S1PR1: variants seen among roughly 807,000 people sequenced by gnomAD.
S1PR1 encodes the protein sphingosine 1-phosphate receptor 1.
Under a neutral mutation model 18.3 loss-of-function variants are expected in S1PR1, and 2 were observed. The ratio of observed to expected loss-of-function variants is 0.11; its 90% CI spans 0.04 to 0.34. The LOEUF (loss-of-function observed/expected upper bound fraction) is 0.34. Ranked by LOEUF, S1PR1 falls within the 10% of genes least tolerant of loss-of-function variation. The pLI is 1.00. For synonymous variants in S1PR1, 222 were observed against 211.2 expected (o/e 1.05, Z -0.44); for missense variants, 335 against 493.8 (o/e 0.68, Z 3.05).
In S1PR1 at chr1:101,241,413, T is replaced by C. The variant is rs1333663974; in HGVS notation, c.*1280T>C. 1 of 165,790 alleles carries C rather than the reference T, an allele frequency of 6.0e-6. No individual in the cohort carries two copies. The highest frequency in any genetic ancestry group is 1.5e-5 in the Non-Finnish European group (1 of 68,110). 10.3% of individuals were successfully genotyped at this position (165,790 alleles called of 1,614,324 possible). On this transcript the variant is annotated 3_prime_UTR_variant, in exon 2 of 2. Coordinates refer to ENST00000305352, the MANE Select transcript of S1PR1 (RefSeq NM_001400.5). The stretch of plus-strand genomic sequence containing the variant: ...AGTGCAATTAAACCGAGAGATGTCT[T>C]GTTTTTTTAAAAAGAATAGTATTTA...
At position 101,239,718 on chromosome 1, in the gene S1PR1, G is replaced by A. The variant is rs151135641; in HGVS notation, c.734G>A (p.Ser245Asn). The A allele has an allele frequency of 3.9e-5, 63 of 1,613,852 alleles. No homozygotes were observed. The highest frequency in any genetic ancestry group is 5.3e-5 in the Non-Finnish European group (63 of 1,180,040). ...TTCCGCAAGAACATTTCCAAGGCCA[G>A]CCGCAGCTCTGAGAAGTCGCTGGCG... ...LTFRKNISKA[S>N]RSSEKSLALL... The change falls in exon 2 of 2, where the codon AGC becomes AAC. Residue 245 changes from serine (S) to asparagine (N), a missense_variant. Around this residue, in one of 3 missense-constraint regions of S1PR1, gnomAD observed 214 missense variants for 366.6 expected, o/e 0.58. Coordinates refer to ENST00000305352, the MANE Select transcript of S1PR1 (RefSeq NM_001400.5). This position sits in a 1 kb window ranked among gnomAD's most constrained non-coding sequence, Gnocchi z 6.3.
At chr1:101,241,987 T>C (rs1002036833), downstream of S1PR1, among the ~76,000 whole-genome samples, 1 of 149,694 alleles carries the variant, frequency 6.7e-6, no homozygotes, top group Non-Finnish European at 1.5e-5. Context: ...GGGATATGGA[T>C]ATGGGTATTA....
chr1:101,239,775 T>C lies in S1PR1; in HGVS notation c.791T>C (p.Val264Ala), dbSNP rs1324474813. ...AAGACCGTAATTATCGTCCTGAGCG[T>C]CTTCATCGCCTGCTGGGCACCGCTC... ...LLKTVIIVLS[V>A]FIACWAPLFI... The change falls in exon 2 of 2, where the codon GTC becomes GCC. Residue 264 changes from valine to alanine, a missense_variant. Physicochemically the swap from Val to Ala is moderately conservative, Grantham distance 64. Around this residue, in one of 3 missense-constraint regions of S1PR1, gnomAD observed 214 missense variants for 366.6 expected, o/e 0.58. Coordinates refer to ENST00000305352, the MANE Select transcript of S1PR1 (RefSeq NM_001400.5). This position sits in a 1 kb window ranked among gnomAD's most constrained non-coding sequence, Gnocchi z 6.3. The C allele has an allele frequency of 1.9e-6, 3 of 1,613,804 alleles. No individual in the cohort carries two copies. The highest frequency in any genetic ancestry group is 1.7e-5 in the Admixed American group (1 of 60,022).
Position 101,238,973 on chromosome 1 carries a change from A to G in S1PR1, c.-12A>G. 6.2e-7 allele frequency: 1 copy of G among 1,602,138 alleles called. No homozygotes were observed. The highest frequency in any genetic ancestry group is 8.5e-7 in the Non-Finnish European group (1 of 1,173,922). ...CGCCACCCCGGCTTCCTGGGGACAC[A>G]GGGTTGGCACCATGGGGCCCACCAG... On this transcript the variant is annotated 5_prime_UTR_variant, in exon 2 of 2. Transcript: ENST00000305352.
downstream of S1PR1, among the ~76,000 whole-genome samples, chr1:101,242,197 A>G (rs1652933310): frequency 6.6e-6 from 1 of 152,196 alleles, no homozygotes; most frequent in Admixed American, 6.5e-5. Context: ...AATTTTTCCA[A>G]CTACAAAATG....
chr1:101,240,433 G>T lies in S1PR1; in HGVS notation c.*300G>T. 7 of 413,664 alleles carry T rather than the reference G, an allele frequency of 1.7e-5. 1 individual carries two copies. The South Asian group carries it at 2.4e-4, about 14-fold the overall frequency. The allele number at this position is 413,664 out of a possible 1,614,324, so 25.6% of individuals were successfully genotyped here. A position where few individuals can be genotyped will look rare whatever the true frequency, so the allele number is the denominator to read the frequency against. ...GTCTAGCATTGTCAAGCTCCTAAAG[G>T]GTTCATTTGGCCCCTCCTCAAAGAC... On this transcript the variant is annotated 3_prime_UTR_variant, in exon 2 of 2. Transcript: ENST00000305352.
chr1:101,239,156 T>C lies in S1PR1; in HGVS notation c.172T>C (p.Phe58Leu). Residue 58 changes from phenylalanine (F) to leucine (L), a missense_variant, in exon 2 of 2, where the codon TTT (phenylalanine) becomes CTT (leucine). Phe to Leu is a conservative substitution (Grantham distance 22). This residue lies in a region of S1PR1 where 214 missense variants were observed against 366.6 expected (regional missense o/e 0.58). Transcript: ENST00000305352. The surrounding 1 kb of genome is among the most constrained non-coding windows in gnomAD (Gnocchi z 6.3). ...TSVVFILICC[F>L]IILENIFVLL... ...GGTGGTGTTCATTCTCATCTGCTGC[T>C]TTATCATCCTGGAGAACATCTTTGT... 1 of 1,614,268 alleles carries C rather than the reference T, an allele frequency of 6.2e-7. No individual in the cohort carries two copies. The highest frequency in any genetic ancestry group is 1.1e-5 in the South Asian group (1 of 91,086).
rs747256466 is a variant in S1PR1 at position 101,240,226 on chromosome 1, C to T, written c.*93C>T. ...AAAATCTCTGGGCTTCGACTGCTGC[C>T]AGGGAGGAGCTGCTGCAAGCCAGAG... On this transcript the variant is annotated 3_prime_UTR_variant, in exon 2 of 2. Coordinates refer to ENST00000305352, the MANE Select transcript of S1PR1 (RefSeq NM_001400.5). 7.4e-7 allele frequency: 1 copy of T among 1,355,156 alleles called. No individual in the cohort carries two copies. The allele number at this position is 1,355,156 out of a possible 1,614,324, so 83.9% of individuals were successfully genotyped here. A position where few individuals can be genotyped will look rare whatever the true frequency, so the allele number is the denominator to read the frequency against.
In S1PR1 at chr1:101,239,413, T is replaced by C; in HGVS notation, c.429T>C (p.Tyr143=). 3 of 1,614,196 alleles carry C rather than the reference T, an allele frequency of 1.9e-6. No homozygotes were observed. Among genetic ancestry groups the C allele is most frequent in the Non-Finnish European group, 2.5e-6 (3 of 1,180,040 alleles). ...TCCTCGCCATCGCCATTGAGCGCTA[T>C]ATCACAATGCTGAAAATGAAACTCC... ...FSLLAIAIER[Y]ITMLKMKLHN... The change falls in exon 2 of 2, where the codon TAT becomes TAC. Residue 143 remains tyrosine, a synonymous_variant. Coordinates refer to ENST00000305352, the MANE Select transcript of S1PR1 (RefSeq NM_001400.5). This position sits in a 1 kb window ranked among gnomAD's most constrained non-coding sequence, Gnocchi z 6.3.
At position 101,238,776 on chromosome 1, in the gene S1PR1, G is replaced by A. The variant is rs1652789308; in HGVS notation, c.-163-46G>A. ...GCCTTAGCTAGAATGAATTATGCCA[G>A]TATGCTGTGGCTCTTTCCCTGACTC... On this transcript the variant is annotated intron_variant, in intron 1 of 1. Coordinates refer to ENST00000305352, the MANE Select transcript of S1PR1 (RefSeq NM_001400.5). 12 of 590,672 alleles carry A rather than the reference G, an allele frequency of 2.0e-5. No individual in the cohort carries two copies. In the South Asian group the frequency reaches 2.6e-4, roughly 13 times the overall value. The allele number at this position is 590,672 out of a possible 1,614,324, so 36.6% of individuals were successfully genotyped here.
chr1:101,240,026 A>G lies in S1PR1; in HGVS notation c.1042A>G (p.Met348Val). 1.2e-6 allele frequency: 2 copies of G among 1,613,952 alleles called. No homozygotes were observed. The highest frequency in any genetic ancestry group is 1.7e-6 in the Non-Finnish European group (2 of 1,180,028). ...GKFKRPIIAGMEFSRSKSDNS... is the reference protein window; with the variant it reads ...GKFKRPIIAGVEFSRSKSDNS... ...ATTCAAGCGACCCATCATCGCCGGC[A>G]TGGAATTCAGCCGCAGCAAATCGGA... Residue 348 changes from methionine (M) to valine (V), a missense_variant, in exon 2 of 2, where the codon ATG becomes GTG. By Grantham distance (21) the Met-to-Val change is conservative. Transcript: ENST00000305352.
chr1:101,241,658 G>A (rs866557091), downstream of S1PR1: 1 of 155,080 alleles, frequency 6.4e-6, no homozygotes, highest in Non-Finnish European at 1.5e-5. Context: ...AAAAAGTGTG[G>A]TTTGTTTAGA....
intron 1 of S1PR1, 111 bp downstream of exon 1, chr1:101,237,210 A>G (rs1284560353): frequency 1.3e-5 from 2 of 152,218 alleles, no homozygotes; most frequent in Non-Finnish European, 2.9e-5. Flanking sequence ...AAACTTAGAA[A>G]ACATGCATCT....
Position 101,240,444 on chromosome 1 carries a change from C to A in S1PR1, c.*311C>A. Reference sequence around the variant, plus strand: ...TCAAGCTCCTAAAGGGTTCATTTGGCCCCTCCTCAAAGACTAATGTCCCCA... The same window carrying A: ...TCAAGCTCCTAAAGGGTTCATTTGGACCCTCCTCAAAGACTAATGTCCCCA... On this transcript the variant is annotated 3_prime_UTR_variant, in exon 2 of 2. Transcript: ENST00000305352. The A allele has an allele frequency of 2.6e-6, 1 of 385,472 alleles. No homozygotes were observed. The highest frequency in any genetic ancestry group is 4.9e-6 in the Non-Finnish European group (1 of 203,304). The allele number at this position is 385,472 out of a possible 1,614,324, so 23.9% of individuals were successfully genotyped here.
In S1PR1 at chr1:101,238,902, C is replaced by CA. The variant is rs1652795738; in HGVS notation, c.-82dup. 1 of 1,364,526 alleles carries CA rather than the reference C, an allele frequency of 7.3e-7. No homozygotes were observed. The highest frequency in any genetic ancestry group is 1.4e-5 in the African/African-American group (1 of 69,158). 84.5% of individuals were successfully genotyped at this position (1,364,526 alleles called of 1,614,324 possible). On this transcript the variant is annotated 5_prime_UTR_variant, in exon 2 of 2. Transcript: ENST00000305352. ...TCACTCATCGAACCACCCCTGAAGCCAGTGAAGGCTCTCTCGCCTCGCCCT... is the reference window on the plus strand; with the variant it reads ...TCACTCATCGAACCACCCCTGAAGCCAAGTGAAGGCTCTCTCGCCTCGCCCT...
Position 101,239,059 on chromosome 1 carries a change from C to G in S1PR1, c.75C>G (p.Ile25Met), listed in dbSNP as rs1652804751. ...SVSDYVNYDI[I>M]VRHYNYTGKL... ...CTGACTACGTCAACTATGATATCAT[C>G]GTCCGGCATTACAACTACACGGGAA... Residue 25 changes from isoleucine to methionine, a missense_variant, in exon 2 of 2, where the codon ATC (isoleucine) becomes ATG (methionine). Physicochemically the swap from Ile to Met is conservative, Grantham distance 10 (BLOSUM62 1). Transcript: ENST00000305352. The surrounding 1 kb of genome is among the most constrained non-coding windows in gnomAD (Gnocchi z 6.3). The G allele has an allele frequency of 6.2e-7, 1 of 1,614,152 alleles. No individual in the cohort carries two copies. The highest frequency in any genetic ancestry group is 1.3e-5 in the African/African-American group (1 of 74,952).
In S1PR1 at chr1:101,239,935, G is replaced by A. The variant is rs1465874964; in HGVS notation, c.951G>A (p.Glu317=). The A allele has an allele frequency of 1.9e-6, 3 of 1,614,106 alleles. No homozygotes were observed. Among genetic ancestry groups the A allele is most frequent in the Non-Finnish European group, 2.5e-6 (3 of 1,180,028 alleles). Residue 317 remains glutamate, a synonymous_variant, in exon 2 of 2, where the codon GAG becomes GAA. Transcript: ENST00000305352. This position sits in a 1 kb window ranked among gnomAD's most constrained non-coding sequence, Gnocchi z 6.3. ...NPIIYTLTNK[E]MRRAFIRIMS... is the part of the protein sequence containing the mutation. ...TCATTTACACTCTGACCAACAAGGA[G>A]ATGCGTCGGGCCTTCATCCGGATCA...
chr1:101,237,889 A>C lies in S1PR1; in HGVS notation c.-164+790A>C, dbSNP rs74457930. Among the ~76,000 whole-genome samples, 181 of 151,962 alleles carry C rather than the reference A, an allele frequency of 1.2e-3. No homozygotes were observed. In the East Asian group the frequency reaches 0.024, roughly 20 times the overall value. On this transcript the variant is annotated intron_variant, in intron 1 of 1. Coordinates refer to ENST00000305352, the MANE Select transcript of S1PR1 (RefSeq NM_001400.5). Reference sequence around the variant, plus strand: ...TTTGGCTAAACTAAACAAAGCAAAAAATATTTATGCAATCAACTAATGTAC... The same window carrying C: ...TTTGGCTAAACTAAACAAAGCAAAACATATTTATGCAATCAACTAATGTAC...
In S1PR1 at chr1:101,239,800, C is replaced by T; in HGVS notation, c.816C>T (p.Leu272=). The T allele has an allele frequency of 1.2e-6, 2 of 1,613,816 alleles. No homozygotes were observed. Among genetic ancestry groups the T allele is most frequent in the Non-Finnish European group, 8.5e-7 (1 of 1,180,030 alleles). ...LSVFIACWAP[L]FILLLLDVGC... ...TCTTCATCGCCTGCTGGGCACCGCT[C>T]TTCATCCTGCTCCTGCTGGATGTGG... The change falls in exon 2 of 2, where the codon CTC becomes CTT. Residue 272 remains leucine, a synonymous_variant. Coordinates refer to ENST00000305352, the MANE Select transcript of S1PR1 (RefSeq NM_001400.5). This position sits in a 1 kb window ranked among gnomAD's most constrained non-coding sequence, Gnocchi z 6.3.
Sources: allele counts gnomAD v4.1 joint callset (sites outside exome capture counted in the v4.1 genomes callset), GRCh38; gene constraint gnomAD v4.1.1; regional missense constraint gnomAD v4.1.1; non-coding constraint Gnocchi (gnomAD v3.1); transcripts MANE v1.5; gene names NCBI Gene and HGNC (gene_info 2026-07-23, HGNC 2026-07-21).